ST18: variants seen among roughly 807,000 people sequenced by gnomAD.
The protein encoded by ST18 is ST18 C2H2C-type zinc finger transcription factor, also known as suppression of tumorigenicity 18 protein.
Under a neutral mutation model 110.0 loss-of-function variants are expected in ST18, and 50 were observed. That is an observed-to-expected ratio of 0.45 (90% CI 0.36 to 0.58). The LOEUF (loss-of-function observed/expected upper bound fraction) is 0.58. Among genes scored for constraint, ST18 ranks in the 20% least tolerant of loss-of-function variants. The pLI is 0.00. For missense variants in ST18, 1,306 were observed against 1,280.1 expected, an observed-to-expected ratio of 1.02 and a Z score of -0.31; for synonymous variants, 461 against 452.4, an observed-to-expected ratio of 1.02 and a Z score of -0.24.
intron 2 of ST18, among the ~76,000 whole-genome samples, chr8:52,304,152 A>G (rs1047555193): frequency 2.0e-5 from 3 of 152,246 alleles, no homozygotes; most frequent in African/African-American, 7.2e-5. Context: ...TAACTGCAGG[A>G]TATAAAATAA....
At chr8:52,138,093 C>CAAAAAA (rs35928892) in intron 17 of ST18, among the ~76,000 whole-genome samples, 3 of 59,538 alleles carry the variant, frequency 5.0e-5, no homozygotes, top group Admixed American at 1.7e-4. Context: ...AACTCTGTCT[C>CAAAAAA]AAAAAAAAAA....
At chr8:52,391,500 A>G (rs1590637922) in intron 2 of ST18, among the ~76,000 whole-genome samples, 1 of 152,220 alleles carries the variant, frequency 6.6e-6, no homozygotes, top group African/African-American at 2.4e-5. Flanking sequence ...CATGGGCCAC[A>G]TAACAGTGGT....
At chr8:52,233,148 A>G (rs1341670730) in intron 2 of ST18, among the ~76,000 whole-genome samples, 1 of 152,236 alleles carries the variant, frequency 6.6e-6, no homozygotes, top group African/African-American at 2.4e-5. Context: ...TTCTTGGTAC[A>G]GAACACTATT....
At chr8:52,335,461 A>G (rs1811589724) in intron 2 of ST18, among the ~76,000 whole-genome samples, 1 of 152,180 alleles carries the variant, frequency 6.6e-6, no homozygotes, top group Non-Finnish European at 1.5e-5. Flanking sequence ...ATACTTTAGT[A>G]TTTTGGAATA....
intron 24 of ST18, among the ~76,000 whole-genome samples, chr8:52,117,487 T>G (rs2042977107): frequency 6.6e-6 from 1 of 152,224 alleles, no homozygotes; most frequent in Non-Finnish European, 1.5e-5. Context: ...GAGGGCTTTG[T>G]GTTCTTTGCT....
rs1020702863 is a variant in ST18 at position 52,111,916 on chromosome 8, G to A, written c.*1282C>T. The A allele has an allele frequency of 6.6e-6, 1 of 152,474 alleles. No individual in the cohort carries two copies. Among genetic ancestry groups the A allele is most frequent in the Non-Finnish European group, 1.5e-5 (1 of 68,000 alleles). 9.4% of individuals were successfully genotyped at this position (152,474 alleles called of 1,614,324 possible). On this transcript the variant is annotated 3_prime_UTR_variant, in exon 26 of 26. Coordinates refer to ENST00000689386, the MANE Select transcript of ST18 (RefSeq NM_001352837.2). Reference sequence around the variant, plus strand: ...AACTCTGATCCGTTCAGAAATTCAAGATTGTGGGCTCAATTTGAAGTGTGG... The same window carrying A: ...AACTCTGATCCGTTCAGAAATTCAAAATTGTGGGCTCAATTTGAAGTGTGG...
chr8:52,276,157 C>CA (rs1385823267), intron 2 of ST18, among the ~76,000 whole-genome samples: 975 of 10,290 alleles, frequency 0.095, 5 homozygotes, highest in Non-Finnish European at 0.11. Context: ...ACACCACGCA[C>CA]CACACATACC....
chr8:52,270,074 A>G (rs1020047957), intron 2 of ST18, among the ~76,000 whole-genome samples: 2 of 152,230 alleles, frequency 1.3e-5, no homozygotes, highest in African/African-American at 4.8e-5. Context: ...ATATTTTTCT[A>G]GAGAAAATTT....
At chr8:52,201,537 ACTCCCAGGTGAGC>A (rs1425732356) in intron 8 of ST18, among the ~76,000 whole-genome samples, 1 of 151,952 alleles carries the variant, frequency 6.6e-6, no homozygotes, top group African/African-American at 2.4e-5. Flanking sequence ...TTTGAGAACC[ACTCCCAGGTGAGC>A]CTCCCGGAGT....
intron 2 of ST18, among the ~76,000 whole-genome samples, chr8:52,395,443 C>T (rs779948810): frequency 3.9e-5 from 6 of 152,082 alleles, no homozygotes; most frequent in African/African-American, 7.3e-5. Flanking sequence ...TTAGCATTTC[C>T]GTCAGGAAGT....
intron 12 of ST18, among the ~76,000 whole-genome samples, chr8:52,164,315 A>G (rs2133334276): frequency 6.6e-6 from 1 of 152,370 alleles, no homozygotes; most frequent in Non-Finnish European, 1.5e-5. Context: ...ACTCATTTTT[A>G]AACATCAAAA....
intron 2 of ST18, among the ~76,000 whole-genome samples, chr8:52,389,175 C>T (rs1197483502): frequency 6.6e-6 from 1 of 152,078 alleles, no homozygotes; most frequent in Non-Finnish European, 1.5e-5. Flanking sequence ...GCACAGAGCG[C>T]GAAAGTCGCC....
chr8:52,141,481 G>T (rs2055014140), intron 17 of ST18, among the ~76,000 whole-genome samples: 1 of 152,208 alleles, frequency 6.6e-6, no homozygotes, highest in African/African-American at 2.4e-5. Context: ...CAAAGACGGA[G>T]GAGAGAAGAC....
intron 8 of ST18, among the ~76,000 whole-genome samples, chr8:52,180,886 C>T (rs1447625390): frequency 6.6e-6 from 1 of 152,202 alleles, no homozygotes; most frequent in African/African-American, 2.4e-5. Context: ...TGGAAAGATG[C>T]TACATGGCAT....
At chr8:52,352,799 G>A (rs774123540) in intron 2 of ST18, among the ~76,000 whole-genome samples, 5 of 152,216 alleles carry the variant, frequency 3.3e-5, no homozygotes, top group Non-Finnish European at 7.3e-5. Flanking sequence ...GCAGAGAACC[G>A]TGGGAGAAGA....
intron 2 of ST18, among the ~76,000 whole-genome samples, chr8:52,278,132 T>C (rs2095309444): frequency 6.6e-6 from 1 of 152,220 alleles, no homozygotes; most frequent in Admixed American, 6.5e-5. Flanking sequence ...TTGCTTATCT[T>C]GAGCTGGATG....
chr8:52,281,888 C>T (rs573809609), intron 2 of ST18, among the ~76,000 whole-genome samples: 10 of 152,092 alleles, frequency 6.6e-5, no homozygotes, highest in South Asian at 6.2e-4. Context: ...TTTGGGGACT[C>T]GGGGAAATGG....
At chr8:52,174,552 G>C (rs1327066505) in intron 9 of ST18, among the ~76,000 whole-genome samples, 1 of 152,180 alleles carries the variant, frequency 6.6e-6, no homozygotes, top group African/African-American at 2.4e-5. Context: ...TAGCTACATA[G>C]TTTAAAATAT....
At chr8:52,339,285 ACT>A (rs1813709379) in intron 2 of ST18, among the ~76,000 whole-genome samples, 4 of 151,404 alleles carry the variant, frequency 2.6e-5, no homozygotes, top group African/African-American at 9.7e-5. Flanking sequence ...ACTACAGAAA[ACT>A]CTCTCACATC....
Sources: gnomAD v4.1 joint callset for allele counts (sites outside exome capture counted in the v4.1 genomes callset) on GRCh38, gnomAD v4.1.1 for gene constraint, MANE v1.5 for transcripts, NCBI Gene and HGNC (gene_info 2026-07-23, HGNC 2026-07-21) for gene names.